ZNF407: variants seen among roughly 807,000 people sequenced by gnomAD.
ZNF407 encodes zinc finger protein 407.
In ZNF407, 17 loss-of-function variants were observed where a neutral mutation model predicts 131.2. That is an observed-to-expected ratio of 0.13 (90% CI 0.09 to 0.19). The LOEUF (loss-of-function observed/expected upper bound fraction) is 0.19, where lower values mean the gene tolerates loss of function less well. Ranked by LOEUF, ZNF407 falls within the 10% of genes least tolerant of loss-of-function variation. The probability of loss-of-function intolerance (pLI) is 1.00; values close to 1 mark genes in which losing one functional copy is unlikely to be tolerated. For missense variants in ZNF407, 2,681 were observed against 2,830.6 expected, an observed-to-expected ratio of 0.95 and a Z score of 1.20; for synonymous variants, 1,156 against 1,062.0, an observed-to-expected ratio of 1.09 and a Z score of -1.72.
At chr18:74,928,975 T>C (rs1343063037) in intron 8 of ZNF407, among the ~76,000 whole-genome samples, 2 of 152,174 alleles carry the variant, frequency 1.3e-5, no homozygotes, top group Admixed American at 6.5e-5. Flanking sequence ...CTGTATAGTT[T>C]AGCGTTCTGT....
chr18:74,827,295 A>G (rs1970421816), intron 4 of ZNF407, among the ~76,000 whole-genome samples: 1 of 152,188 alleles, frequency 6.6e-6, no homozygotes, highest in Non-Finnish European at 1.5e-5. Context: ...CACTTGGTTT[A>G]GTGTCCATTG....
intron 3 of ZNF407, among the ~76,000 whole-genome samples, chr18:74,736,997 A>G (rs1599111270): frequency 6.6e-6 from 1 of 152,176 alleles, no homozygotes; most frequent in Non-Finnish European, 1.5e-5. Context: ...ATAAGTTGCT[A>G]TTATAAAGTT....
chr18:74,888,009 A>G (rs570388180), intron 6 of ZNF407, among the ~76,000 whole-genome samples: 5 of 152,310 alleles, frequency 3.3e-5, no homozygotes, highest in South Asian at 2.1e-4. Flanking sequence ...TAAACGTTCT[A>G]ATTTTCAGGA....
chr18:75,063,292 G>A lies in ZNF407; in HGVS notation c.5571G>A (p.Ala1857=), dbSNP rs760134393. ...EKPLRSSRRP[A]PPPEQVQQVI... is the part of the protein sequence containing the mutation. ...CCCTCAGAAGCAGCAGGAGGCCAGC[G>A]CCGCCCCCTGAGCAGGTGCAGCAGG... Residue 1857 remains alanine (A), a synonymous_variant, in exon 9 of 9, where the codon GCG becomes GCA. Transcript: ENST00000299687. The surrounding 1 kb of genome is among the most constrained non-coding windows in gnomAD (Gnocchi z 6.6). 2.7e-5 allele frequency: 44 copies of A among 1,613,544 alleles called. No homozygotes were observed. The highest frequency in any genetic ancestry group is 3.4e-5 in the Non-Finnish European group (40 of 1,179,876).
Position 75,064,476 on chromosome 18 carries a change from G to GGCACCTTTACTCA in ZNF407, c.*13_*25dup, listed in dbSNP as rs1405712249. On this transcript the variant is annotated 3_prime_UTR_variant, in exon 9 of 9. Coordinates refer to ENST00000299687, the MANE Select transcript of ZNF407 (RefSeq NM_017757.3). ...GAACTCCAGGAAGCATGAGACGCGCGGCACCTTTACTCAGCACAGGGCAGG... is the reference window on the plus strand; with the variant it reads ...GAACTCCAGGAAGCATGAGACGCGCGGCACCTTTACTCAGCACCTTTACTCAGCACAGGGCAGG... 4.1e-6 allele frequency: 6 copies of GGCACCTTTACTCA among 1,472,964 alleles called. No homozygotes were observed. Among genetic ancestry groups the GGCACCTTTACTCA allele is most frequent in the Non-Finnish European group, 5.4e-6 (6 of 1,107,958 alleles). The allele number at this position is 1,472,964 out of a possible 1,614,324, so 91.2% of individuals were successfully genotyped here. A position where few individuals can be genotyped will look rare whatever the true frequency, so the allele number is the denominator to read the frequency against.
At chr18:74,756,968 A>G (rs369142160) in intron 3 of ZNF407, among the ~76,000 whole-genome samples, 1 of 151,968 alleles carries the variant, frequency 6.6e-6, no homozygotes, top group East Asian at 1.9e-4. Flanking sequence ...CTAGTTAATA[A>G]TTTGGGTCTT....
chr18:74,734,940 C>G (rs1047227278), intron 3 of ZNF407, among the ~76,000 whole-genome samples: 1 of 152,068 alleles, frequency 6.6e-6, no homozygotes, highest in African/African-American at 2.4e-5. Flanking sequence ...TTATGGGCTA[C>G]TTACCTCTTA....
chr18:74,889,816 T>G, intron 6 of ZNF407, 102 bp from the exon 7 acceptor site: 2 of 1,087,902 alleles, frequency 1.8e-6, no homozygotes, highest in Non-Finnish European at 2.6e-6. Context: ...ATTCTTGACA[T>G]TTCATGGAAA....
chr18:74,831,338 C>G (rs1454354385), intron 4 of ZNF407, among the ~76,000 whole-genome samples: 1 of 152,190 alleles, frequency 6.6e-6, no homozygotes, highest in Non-Finnish European at 1.5e-5. Flanking sequence ...TATTGCACAG[C>G]TATCACCACT....
intron 8 of ZNF407, among the ~76,000 whole-genome samples, chr18:75,044,414 C>A (rs946161019): frequency 6.6e-6 from 1 of 151,518 alleles, no homozygotes; most frequent in South Asian, 2.1e-4. Context: ...GACTCCTTGG[C>A]GGTTCTAGCT....
At chr18:74,844,233 C>T (rs569241217) in intron 4 of ZNF407, among the ~76,000 whole-genome samples, 6 of 152,160 alleles carry the variant, frequency 3.9e-5, no homozygotes, top group African/African-American at 7.2e-5. Context: ...TCCCCCATGG[C>T]GTGAGCTTCT....
chr18:75,048,057 T>TGG lies in ZNF407; in HGVS notation c.5429-15092_5429-15091dup, dbSNP rs1415648502. 4.6e-5 allele frequency among the ~76,000 whole-genome samples: 7 copies of TGG among 152,330 alleles called. No homozygotes were observed. The East Asian group carries it at 1.3e-3, about 29-fold the overall frequency. Reference sequence around the variant, plus strand: ...CTTATATTGGTTTTTATATAGAATATGGCACGTGTTGGTATTCATAACTCG... The same window carrying TGG: ...CTTATATTGGTTTTTATATAGAATATGGGGCACGTGTTGGTATTCATAACTCG... On this transcript the variant is annotated intron_variant, in intron 8 of 8. Coordinates refer to ENST00000299687, the MANE Select transcript of ZNF407 (RefSeq NM_017757.3). The surrounding 1 kb of genome is among the most constrained non-coding windows in gnomAD (Gnocchi z 4.1).
chr18:74,864,783 C>CA (rs1568246470), intron 4 of ZNF407, among the ~76,000 whole-genome samples: 1 of 152,034 alleles, frequency 6.6e-6, no homozygotes, highest in African/African-American at 2.4e-5. Flanking sequence ...AATAAGATCA[C>CA]AATAAGATGA....
chr18:75,062,824 T>G (rs2122296132), intron 8 of ZNF407: 5 of 220,124 alleles, frequency 2.3e-5, no homozygotes, highest in East Asian at 9.4e-5. Context: ...GACATGATGG[T>G]GGTTGGGGGG....
intron 3 of ZNF407, among the ~76,000 whole-genome samples, chr18:74,748,850 T>C (rs1042560816): frequency 6.6e-6 from 1 of 152,194 alleles, no homozygotes; most frequent in African/African-American, 2.4e-5. Flanking sequence ...CTGAACTAGC[T>C]GACAGACACG....
intron 8 of ZNF407, among the ~76,000 whole-genome samples, chr18:75,029,483 A>T (rs1344972110): frequency 1.3e-5 from 2 of 152,084 alleles, no homozygotes; most frequent in Non-Finnish European, 2.9e-5. Context: ...TCAGGGCAGG[A>T]TGGGTGTTCG....
chr18:74,789,873 T>G (rs894048358), intron 4 of ZNF407, among the ~76,000 whole-genome samples: 1 of 148,594 alleles, frequency 6.7e-6, no homozygotes, highest in African/African-American at 2.5e-5. Context: ...TTTTTTTTCC[T>G]CTGTACTTTT....
chr18:74,751,533 A>G (rs1296643900), intron 3 of ZNF407, among the ~76,000 whole-genome samples: 5 of 148,782 alleles, frequency 3.4e-5, no homozygotes, highest in African/African-American at 5.0e-5. Context: ...TCCCCCCACC[A>G]CACGACAGGC....
chr18:74,893,632 G>A (rs1408778755), intron 7 of ZNF407, among the ~76,000 whole-genome samples: 3 of 152,158 alleles, frequency 2.0e-5, no homozygotes, highest in Non-Finnish European at 2.9e-5. Flanking sequence ...GCGTACGATA[G>A]TAGGAACAGG....
Sources: allele counts gnomAD v4.1 joint callset (sites outside exome capture counted in the v4.1 genomes callset), GRCh38; gene constraint gnomAD v4.1.1; non-coding constraint Gnocchi (gnomAD v3.1); transcripts MANE v1.5; gene names NCBI Gene and HGNC (gene_info 2026-07-23, HGNC 2026-07-21).